REC114: variants seen among roughly 807,000 people sequenced by gnomAD.
REC114 encodes the protein meiotic recombination protein REC114.
Under a neutral mutation model 31.3 loss-of-function variants are expected in REC114, and 27 were observed. The ratio of observed to expected loss-of-function variants is 0.86; its 90% CI spans 0.64 to 1.19. The LOEUF (loss-of-function observed/expected upper bound fraction) is 1.19. Among genes scored for constraint, REC114 ranks in the 50% most tolerant of loss-of-function variants. The probability of loss-of-function intolerance (pLI) is 0.00; values close to 1 mark genes in which losing one functional copy is unlikely to be tolerated. For missense variants in REC114, 344 were observed against 326.9 expected (o/e 1.05, Z -0.40); for synonymous variants, 134 against 127.7 (o/e 1.05, Z -0.33).
At position 73,559,770 on chromosome 15, in the gene REC114, G is replaced by A. The variant is rs769252456; in HGVS notation, c.655G>A (p.Glu219Lys). 5 of 1,577,676 alleles carry A rather than the reference G, an allele frequency of 3.2e-6. No individual in the cohort carries two copies. Among genetic ancestry groups the A allele is most frequent in the Non-Finnish European group, 4.3e-6 (5 of 1,167,044 alleles). The change falls in exon 6 of 6, where the codon GAG (glutamate) becomes AAG (lysine). Residue 219 changes from glutamate (E) to lysine (K), a missense_variant. By Grantham distance (56) the Glu-to-Lys change is moderately conservative (BLOSUM62 1). Transcript: ENST00000331090. Reference sequence around the variant, plus strand: ...CCTGCAGACTCTTCTGGCATCGGAGGAGCTGCCCCATGTCTATGAACAATC... The same window carrying A: ...CCTGCAGACTCTTCTGGCATCGGAGAAGCTGCCCCATGTCTATGAACAATC... ...QLAQTLLASE[E>K]LPHVYEQSAW... is the part of the protein sequence containing the mutation.
chr15:73,559,431 TC>T (rs1894535019), intron 5 of REC114, among the ~76,000 whole-genome samples: 1 of 152,206 alleles, frequency 6.6e-6, no homozygotes, highest in Middle Eastern at 3.2e-3. Context: ...AGGTTTGTTT[TC>T]AATCCACAGG....
chr15:73,514,409 T>G (rs940995700), intron 2 of REC114, among the ~76,000 whole-genome samples: 3 of 152,018 alleles, frequency 2.0e-5, no homozygotes, highest in African/African-American at 7.3e-5. Context: ...GTCTTCTGCG[T>G]CGCTCACGCT....
chr15:73,540,527 G>C lies in REC114; in HGVS notation c.292G>C (p.Val98Leu). 6.2e-7 allele frequency: 1 copy of C among 1,613,984 alleles called. No individual in the cohort carries two copies. The highest frequency in any genetic ancestry group is 8.5e-7 in the Non-Finnish European group (1 of 1,179,864). ...LIGSKDWLKIVRRVDCLLFGT... is the reference protein window; with the variant it reads ...LIGSKDWLKILRRVDCLLFGT... The stretch of plus-strand genomic sequence containing the variant: ...TGGTAGCAAGGACTGGTTGAAGATT[G>C]TAAGACGCGTGGATTGTCTGTTGTT... The change falls in exon 3 of 6, where the codon GTA (valine) becomes CTA (leucine). Residue 98 changes from valine (V) to leucine (L), a missense_variant. Val to Leu is a conservative substitution (Grantham distance 32). Transcript: ENST00000331090.
chr15:73,503,207 G>T (rs190372185), intron 2 of REC114, among the ~76,000 whole-genome samples: 1 of 152,248 alleles, frequency 6.6e-6, no homozygotes, highest in Non-Finnish European at 1.5e-5. Flanking sequence ...CACAAAAATT[G>T]GTTCACAAAT....
chr15:73,498,063 C>G (rs1893552261), intron 2 of REC114, among the ~76,000 whole-genome samples: 1 of 152,082 alleles, frequency 6.6e-6, no homozygotes, highest in South Asian at 2.1e-4. Flanking sequence ...TCCTGAACCT[C>G]AAGCTATTGT....
intron 2 of REC114, among the ~76,000 whole-genome samples, chr15:73,482,372 G>A (rs941712478): frequency 6.6e-6 from 1 of 152,102 alleles, no homozygotes; most frequent in Non-Finnish European, 1.5e-5. Flanking sequence ...CCCTTCTCTT[G>A]TTCCTGTTCT....
chr15:73,464,591 C>T (rs1454181432), intron 1 of REC114, among the ~76,000 whole-genome samples: 1 of 152,056 alleles, frequency 6.6e-6, no homozygotes, highest in Non-Finnish European at 1.5e-5. Flanking sequence ...GTGCTGTGGG[C>T]CTCCTGTAGA....
intron 3 of REC114, 118 bp from the exon 4 acceptor site, chr15:73,550,820 C>A: frequency 1.2e-6 from 1 of 855,034 alleles, no homozygotes; most frequent in Non-Finnish European, 1.8e-6. Flanking sequence ...GTGAAGATGA[C>A]TGTTCCCTTA....
intron 4 of REC114, 42 bp downstream of exon 4, chr15:73,551,192 T>C (rs764209956): frequency 9.1e-6 from 14 of 1,538,136 alleles, no homozygotes; most frequent in African/African-American, 1.4e-5. Context: ...AACATGACAA[T>C]GCAGTGCACA....
At chr15:73,542,152 G>A (rs1470386760) in intron 3 of REC114, among the ~76,000 whole-genome samples, 1 of 151,784 alleles carries the variant, frequency 6.6e-6, no homozygotes, top group Non-Finnish European at 1.5e-5. Flanking sequence ...ACAACGTGAT[G>A]AAACCCCATC....
chr15:73,485,599 A>G (rs945814273), intron 2 of REC114, among the ~76,000 whole-genome samples: 2 of 152,168 alleles, frequency 1.3e-5, no homozygotes, highest in African/African-American at 2.4e-5. Context: ...ATCTGGTTAC[A>G]TAAAGTGTGT....
intron 2 of REC114, among the ~76,000 whole-genome samples, chr15:73,506,505 T>A (rs1893679494): frequency 6.6e-6 from 1 of 152,158 alleles, no homozygotes; most frequent in Non-Finnish European, 1.5e-5. Context: ...TAGAAATGAA[T>A]GCAAGTAGAA....
At chr15:73,510,824 G>A (rs1247986400) in intron 2 of REC114, among the ~76,000 whole-genome samples, 1 of 151,034 alleles carries the variant, frequency 6.6e-6, no homozygotes, top group African/African-American at 2.4e-5. Flanking sequence ...GCTTTTTGAT[G>A]TGCTGCTGGA....
At chr15:73,551,275 T>G in intron 4 of REC114, 125 bp downstream of exon 4, 2 of 992,482 alleles carry the variant, frequency 2.0e-6, no homozygotes, top group Non-Finnish European at 3.0e-6. Context: ...CTATGTTCGG[T>G]GACTTTTTAA....
chr15:73,546,817 GAAA>G (rs11421177), intron 3 of REC114, among the ~76,000 whole-genome samples: 2 of 115,846 alleles, frequency 1.7e-5, no homozygotes, highest in Non-Finnish European at 1.8e-5. Flanking sequence ...TCTGTCTCAG[GAAA>G]AAAAAAAAAA....
intron 2 of REC114, among the ~76,000 whole-genome samples, chr15:73,506,197 C>CT (rs1297842146): frequency 6.6e-6 from 1 of 152,116 alleles, no homozygotes; most frequent in African/African-American, 2.4e-5. Context: ...AAAAGCTTTA[C>CT]TTTTTTTGTA....
At chr15:73,510,273 G>A (rs1387950780) in intron 2 of REC114, among the ~76,000 whole-genome samples, 1 of 152,132 alleles carries the variant, frequency 6.6e-6, no homozygotes, top group African/African-American at 2.4e-5. Flanking sequence ...GAATGCTTGT[G>A]ATTTTTGCAC....
At chr15:73,533,753 C>T (rs1185159114) in intron 2 of REC114, among the ~76,000 whole-genome samples, 49 of 137,548 alleles carry the variant, frequency 3.6e-4, no homozygotes, top group African/African-American at 9.4e-4. Flanking sequence ...AGCACCACAC[C>T]ACACCTATTA....
chr15:73,486,659 C>A (rs1893374655), intron 2 of REC114, among the ~76,000 whole-genome samples: 1 of 152,216 alleles, frequency 6.6e-6, no homozygotes, highest in Non-Finnish European at 1.5e-5. Context: ...TCTGAGGTAT[C>A]TCTACTTCCA....
Sources: allele counts gnomAD v4.1 joint callset (sites outside exome capture counted in the v4.1 genomes callset), GRCh38; gene constraint gnomAD v4.1.1; transcripts MANE v1.5; gene names NCBI Gene and HGNC (gene_info 2026-07-23, HGNC 2026-07-21).